The following SYAP1 variants were observed in gnomAD, a reference collection of about 807,000 sequenced individuals.
SYAP1 encodes the protein synapse associated protein 1.
Under a neutral mutation model 29.6 loss-of-function variants are expected in SYAP1, and 3 were observed. The observed-to-expected ratio is 0.10, with a 90% confidence interval of 0.05 to 0.26. The LOEUF (loss-of-function observed/expected upper bound fraction) is 0.26, where lower values mean the gene tolerates loss of function less well. Among genes scored for constraint, SYAP1 ranks in the 10% least tolerant of loss-of-function variants. The pLI is 1.00. For synonymous variants in SYAP1, 102 were observed against 102.7 expected (o/e 0.99, Z 0.04); for missense variants, 217 against 264.1 (o/e 0.82, Z 1.24).
intron 5 of SYAP1, among the ~76,000 whole-genome samples, chrX:16,750,036 A>G (rs1199365355): frequency 1.8e-5 from 2 of 111,494 alleles, no homozygotes; most frequent in African/African-American, 6.5e-5. Flanking sequence ...ATCAGGACAA[A>G]CAGGCCCAGT....
chrX:16,739,056 A>C (rs1464056381), intron 3 of SYAP1, among the ~76,000 whole-genome samples: 4 of 111,491 alleles, frequency 3.6e-5, no homozygotes, highest in Non-Finnish European at 3.8e-5. Flanking sequence ...GGAGGGCCTC[A>C]TTATCTGAGC....
rs771917995 is a variant in SYAP1 at position 16,735,018 on chromosome X, A to AC, written c.176-209_176-208insC. Among the ~76,000 whole-genome samples, 507 of 93,625 alleles carry AC rather than the reference A, an allele frequency of 5.4e-3. 46 individuals are homozygous for AC. The highest frequency in any genetic ancestry group is 0.019 in the South Asian group (33 of 1,776). The allele number at this position is 93,625 out of a possible 115,157, so 81.3% of individuals were successfully genotyped here. ...TCTCAAAAAAAAAAAAAAAAAAAAA[A>AC]AAAACAAAAAAAGAGATGAATGAAA... On this transcript the variant is annotated intron_variant, in intron 1 of 8. Transcript: ENST00000380155.
At chrX:16,757,125 A>G (rs748867810) in intron 7 of SYAP1, 37 bp from the exon 8 acceptor site, 3 of 1,203,842 alleles carry the variant, frequency 2.5e-6, no homozygotes, top group East Asian at 3.0e-5. Context: ...AATGTCGCTT[A>G]GCAAACCATT....
At chrX:16,725,197 C>T (rs1569246950) in intron 1 of SYAP1, among the ~76,000 whole-genome samples, 1 of 112,472 alleles carries the variant, frequency 8.9e-6, no homozygotes, top group Admixed American at 9.5e-5. Flanking sequence ...TCCAGCAGGT[C>T]GCTAAGTCGT....
chrX:16,756,727 C>A lies in SYAP1; in HGVS notation c.783+6C>A, dbSNP rs758688547. 8.3e-7 allele frequency: 1 copy of A among 1,203,087 alleles called. No homozygotes were observed. The highest frequency in any genetic ancestry group is 2.2e-5 in the Admixed American group (1 of 45,881). ...CTCAGCTTAAAACTCAAGAGGTAATCCAGTTTTACATTGTACCTAGTAGTT... is the reference window on the plus strand; with the variant it reads ...CTCAGCTTAAAACTCAAGAGGTAATACAGTTTTACATTGTACCTAGTAGTT... On this transcript the variant is annotated splice_donor_region_variant and intron_variant, in intron 7 of 8. Transcript: ENST00000380155.
intron 1 of SYAP1, 33 bp downstream of exon 1, chrX:16,719,932 G>A (rs765805773): frequency 6.1e-6 from 7 of 1,155,549 alleles, no homozygotes; most frequent in Non-Finnish European, 8.1e-6. Flanking sequence ...ACCGGGAAGG[G>A]GGGGGCGCAT....
rs1258954248 is a variant in SYAP1 at position 16,743,686 on chromosome X, C to CT, written c.436-8dup. ...TTTGTGGAATACCCTGTGTTTTTTT[C>CT]TTTTTTTATCAAAGGACAAGAGGAA... On this transcript the variant is annotated splice_polypyrimidine_tract_variant and intron_variant, in intron 4 of 8. Coordinates refer to ENST00000380155, the MANE Select transcript of SYAP1 (RefSeq NM_032796.4). The CT allele has an allele frequency of 8.5e-7, 1 of 1,181,762 alleles. No homozygotes were observed. The highest frequency in any genetic ancestry group is 1.1e-6 in the Non-Finnish European group (1 of 882,579).
At chrX:16,729,018 A>G (rs770979605) in intron 1 of SYAP1, among the ~76,000 whole-genome samples, 66 of 104,845 alleles carry the variant, frequency 6.3e-4, no homozygotes, top group South Asian at 1.3e-3. Flanking sequence ...TAGCCTGGGC[A>G]ACAGAGCGAG....
Position 16,760,564 on chromosome X carries a change from A to G in SYAP1, c.*205A>G, listed in dbSNP as rs183052145. ...TCTAATAATCAGAAAGAGATGTTTT[A>G]TAGAACATTTCTTTAATATAAAGTT... On this transcript the variant is annotated 3_prime_UTR_variant, in exon 9 of 9. Coordinates refer to ENST00000380155, the MANE Select transcript of SYAP1 (RefSeq NM_032796.4). 1.8e-4 allele frequency: 46 copies of G among 258,323 alleles called. No homozygotes were observed. The highest frequency in any genetic ancestry group is 1.3e-3 in the Admixed American group (19 of 14,602). 21.3% of individuals were successfully genotyped at this position (258,323 alleles called of 1,213,427 possible). A position where few individuals can be genotyped will look rare whatever the true frequency, so the allele number is the denominator to read the frequency against.
intron 5 of SYAP1, among the ~76,000 whole-genome samples, chrX:16,750,613 T>A (rs1201482208): frequency 9.0e-6 from 1 of 110,618 alleles, no homozygotes; most frequent in African/African-American, 3.3e-5. Flanking sequence ...GTATAGGTAA[T>A]CGTGCATTTT....
At chrX:16,726,907 T>C (rs1267883868) in intron 1 of SYAP1, among the ~76,000 whole-genome samples, 1 of 111,681 alleles carries the variant, frequency 9.0e-6, no homozygotes. Context: ...TAGTCTTCAG[T>C]TCACAGGGCT....
chrX:16,749,796 C>T (rs1401477520), intron 5 of SYAP1, among the ~76,000 whole-genome samples: 2 of 108,963 alleles, frequency 1.8e-5, no homozygotes, highest in Non-Finnish European at 3.8e-5. Flanking sequence ...TGCCTGTAAT[C>T]CCAGCTACTC....
intron 5 of SYAP1, among the ~76,000 whole-genome samples, chrX:16,744,737 CG>C (rs745507949): frequency 4.7e-5 from 5 of 107,384 alleles, no homozygotes; most frequent in African/African-American, 1.7e-4. Context: ...GAAGCTGAGG[CG>C]GGAGGATCAT....
chrX:16,738,366 G>A (rs1156414633), intron 3 of SYAP1, among the ~76,000 whole-genome samples: 7 of 111,920 alleles, frequency 6.3e-5, no homozygotes, highest in Non-Finnish European at 1.3e-4. Flanking sequence ...AGTGAACCGC[G>A]ATTGTGCCGC....
At chrX:16,746,295 G>T (rs1184157514) in intron 5 of SYAP1, among the ~76,000 whole-genome samples, 2 of 103,985 alleles carry the variant, frequency 1.9e-5, no homozygotes, top group African/African-American at 7.1e-5. Context: ...GGAGTGCAAT[G>T]GCGTGATCTC....
intron 1 of SYAP1, among the ~76,000 whole-genome samples, chrX:16,724,290 A>AGTGCCCAGGACTTTTACTGGGGACTGG (rs1160528961): frequency 2.7e-5 from 3 of 111,947 alleles, no homozygotes; most frequent in Non-Finnish European, 5.6e-5. Context: ...TTAGAGACTC[A>AGTGCCCAGGACTTTTACTGGGGACTGG]GTGCCCAGGA....
intron 8 of SYAP1, among the ~76,000 whole-genome samples, chrX:16,758,290 C>T (rs1476640039): frequency 9.1e-6 from 1 of 109,908 alleles, no homozygotes; most frequent in Non-Finnish European, 1.9e-5. Context: ...AGCAATCTTG[C>T]CACCTCAGTG....
chrX:16,756,462 A>T (rs1926843049), intron 6 of SYAP1, among the ~76,000 whole-genome samples: 1 of 112,119 alleles, frequency 8.9e-6, no homozygotes, highest in African/African-American at 3.2e-5. Context: ...ATAGATAGAT[A>T]AAAATATCCC....
Position 16,760,216 on chromosome X carries a change from C to T in SYAP1, c.932-16C>T. On this transcript the variant is annotated splice_polypyrimidine_tract_variant and intron_variant, in intron 8 of 8. Transcript: ENST00000380155. ...AATTCAGAGAGAATCTTTTTCTTCT[C>T]CTTTGTTTCTTTTAGAGGATTCTGC... The T allele has an allele frequency of 2.6e-6, 3 of 1,160,843 alleles. No homozygotes were observed. Among genetic ancestry groups the T allele is most frequent in the Non-Finnish European group, 3.4e-6 (3 of 875,259 alleles).
Sources: allele counts gnomAD v4.1 joint callset (sites outside exome capture counted in the v4.1 genomes callset), GRCh38; gene constraint gnomAD v4.1.1; transcripts MANE v1.5; gene names NCBI Gene and HGNC (gene_info 2026-07-23, HGNC 2026-07-21).